SH3RF2: variants seen among roughly 807,000 people sequenced by gnomAD.
SH3RF2 encodes the protein SH3 domain containing ring finger 2.
In SH3RF2, 43 loss-of-function variants were observed where a neutral mutation model predicts 59.0. The observed-to-expected ratio is 0.73, with a 90% CI of 0.57 to 0.94. The LOEUF is 0.94. Among genes scored for constraint, SH3RF2 ranks in the 40% least tolerant of loss-of-function variants. The pLI is 0.00. For synonymous variants in SH3RF2, 391 were observed against 391.5 expected (o/e 1.00, Z 0.01); for missense variants, 930 against 940.1 (o/e 0.99, Z 0.14).
chr5:145,962,801 A>G (rs575378416), intron 2 of SH3RF2, among the ~76,000 whole-genome samples: 1 of 148,226 alleles, frequency 6.7e-6, no homozygotes, highest in South Asian at 2.2e-4. Flanking sequence ...CCATTGTAAC[A>G]CCTATCTCCC....
rs576779922 is a variant in SH3RF2, at chr5:145,952,035, G to T, written c.378+13729G>T. On this transcript the variant is annotated intron_variant, in intron 2 of 9. Coordinates refer to ENST00000359120, the MANE Select transcript of SH3RF2 (RefSeq NM_152550.4). ...AATTTGTAACCTACCACCTACATTG[G>T]TTCTGAGATTAACAAATACACTTGA... Among the ~76,000 whole-genome samples the T allele has an allele frequency of 6.6e-5, 10 of 152,222 alleles. No individual in the cohort carries two copies. The South Asian group carries it at 2.1e-3, about 32-fold the overall frequency.
intron 2 of SH3RF2, chr5:145,997,792 GAA>G: frequency 6.4e-7 from 1 of 1,553,914 alleles, no homozygotes; most frequent in Non-Finnish European, 8.9e-7. Flanking sequence ...TAAACCTAAA[GAA>G]AAAAAATTAA....
At chr5:145,997,818 G>A (rs1366153836) in intron 2 of SH3RF2, 32 of 1,484,086 alleles carry the variant, frequency 2.2e-5, no homozygotes, top group Middle Eastern at 1.8e-4. Context: ...AGGATCCCCC[G>A]CCGAAATAGA....
At chr5:145,981,363 T>G (rs1451952952) in intron 2 of SH3RF2, among the ~76,000 whole-genome samples, 1 of 152,156 alleles carries the variant, frequency 6.6e-6, no homozygotes, top group Non-Finnish European at 1.5e-5. Flanking sequence ...TCTCCCAAAG[T>G]ACTGGAATTG....
intron 2 of SH3RF2, among the ~76,000 whole-genome samples, chr5:145,963,822 CTTTTTTG>C (rs1446932838): frequency 2.0e-5 from 3 of 148,786 alleles, no homozygotes; most frequent in African/African-American, 7.4e-5. Context: ...TTCTTTCTTT[CTTTTTTG>C]TTTTTTTTTT....
downstream of SH3RF2, among the ~76,000 whole-genome samples, chr5:146,064,664 GAGAAAGAAAGAAAGAAAGAAAGAAAGA>G (rs1763014065): frequency 4.7e-4 from 2 of 4,252 alleles, no homozygotes; most frequent in African/African-American, 8.8e-4. Flanking sequence ...GAGAGAGAAA[GAGAAAGAAAGAAAGAAAGAAAGAAAGA>G]AAGAAAGAAA....
At chr5:146,034,393 A>T (rs549477168) in intron 5 of SH3RF2, among the ~76,000 whole-genome samples, 1 of 152,180 alleles carries the variant, frequency 6.6e-6, no homozygotes, top group Admixed American at 6.5e-5. Context: ...GTCTCTGGGG[A>T]CAGCCAATTA....
At chr5:145,965,738 T>C (rs1758833395) in intron 2 of SH3RF2, among the ~76,000 whole-genome samples, 1 of 152,192 alleles carries the variant, frequency 6.6e-6, no homozygotes, top group Admixed American at 6.5e-5. Flanking sequence ...CCATTGGGTA[T>C]ATAGTGCAGA....
chr5:145,988,311 C>T (rs1263582403), intron 2 of SH3RF2, among the ~76,000 whole-genome samples: 1 of 151,486 alleles, frequency 6.6e-6, no homozygotes, highest in Non-Finnish European at 1.5e-5. Flanking sequence ...TTAGCTTAGA[C>T]TATCTCGTGT....
chr5:145,980,713 G>A lies in SH3RF2; in HGVS notation c.379-19345G>A, dbSNP rs541557461. Among the ~76,000 whole-genome samples, 191 of 152,236 alleles carry A rather than the reference G, an allele frequency of 1.3e-3. 3 individuals are homozygous for A. Among genetic ancestry groups the A allele is most frequent in the African/African-American group, 3.8e-3 (159 of 41,522 alleles). On this transcript the variant is annotated intron_variant, in intron 2 of 9. Transcript: ENST00000359120. Reference sequence around the variant, plus strand: ...AAATTTTAAGCTCCCAATATTCAAGGAAGGTGCCTTTTTGCCCATACTCTT... The same window carrying A: ...AAATTTTAAGCTCCCAATATTCAAGAAAGGTGCCTTTTTGCCCATACTCTT...
chr5:146,008,342 G>A (rs1301875574), intron 4 of SH3RF2, among the ~76,000 whole-genome samples: 1 of 152,198 alleles, frequency 6.6e-6, no homozygotes, highest in Non-Finnish European at 1.5e-5. Flanking sequence ...AAAAGCTGAC[G>A]GTGGTACTCA....
intron 8 of SH3RF2, among the ~76,000 whole-genome samples, chr5:146,057,954 C>A (rs1317714557): frequency 1.1e-4 from 14 of 131,468 alleles, no homozygotes; most frequent in African/African-American, 4.0e-4. Flanking sequence ...CTCTCTCTCT[C>A]TCTCTCTCTC....
chr5:146,027,231 T>G (rs938232709), intron 5 of SH3RF2, among the ~76,000 whole-genome samples: 2 of 152,164 alleles, frequency 1.3e-5, no homozygotes, highest in African/African-American at 2.4e-5. Flanking sequence ...TGAACCCATG[T>G]GAGAGAAGCC....
chr5:146,013,430 G>T (rs1760983947), intron 4 of SH3RF2, among the ~76,000 whole-genome samples: 1 of 152,208 alleles, frequency 6.6e-6, no homozygotes, highest in Non-Finnish European at 1.5e-5. Context: ...AGCCAGAAAT[G>T]ACTGGGGAAA....
chr5:146,007,628 T>C (rs1045111275), intron 4 of SH3RF2, among the ~76,000 whole-genome samples: 1 of 152,176 alleles, frequency 6.6e-6, no homozygotes, highest in Non-Finnish European at 1.5e-5. Flanking sequence ...AGTCATCTTA[T>C]TACCCATTTC....
intron 2 of SH3RF2, among the ~76,000 whole-genome samples, chr5:145,968,698 T>A (rs1758956448): frequency 6.6e-6 from 1 of 152,222 alleles, no homozygotes; most frequent in Admixed American, 6.5e-5. Context: ...TTGAGATATT[T>A]TACATTTTTT....
intron 5 of SH3RF2, among the ~76,000 whole-genome samples, chr5:146,019,499 T>C (rs1029124518): frequency 2.0e-5 from 3 of 152,206 alleles, no homozygotes; most frequent in Non-Finnish European, 4.4e-5. Flanking sequence ...ACCATGCTAT[T>C]GTGGTTACTA....
In SH3RF2 at chr5:146,047,305, T is replaced by C. The variant is rs75014622; in HGVS notation, c.1060-467T>C. Among the ~76,000 whole-genome samples, 435 of 152,274 alleles carry C rather than the reference T, an allele frequency of 2.9e-3. 2 individuals are homozygous for C. The highest frequency in any genetic ancestry group is 0.01 in the African/African-American group (423 of 41,550). On this transcript the variant is annotated intron_variant, in intron 5 of 9. Transcript: ENST00000359120. Reference sequence around the variant, plus strand: ...TTTGTCTCAGTTTCTCATCCAAATATGGGGATTATAACAATTCCTTTAATA... The same window carrying C: ...TTTGTCTCAGTTTCTCATCCAAATACGGGGATTATAACAATTCCTTTAATA...
At chr5:146,046,758 T>C (rs563035361) in intron 5 of SH3RF2, among the ~76,000 whole-genome samples, 1 of 152,090 alleles carries the variant, frequency 6.6e-6, no homozygotes, top group African/African-American at 2.4e-5. Context: ...AGTAGGCAGT[T>C]TACAGGAACT....
Sources: allele counts gnomAD v4.1 joint callset (sites outside exome capture counted in the v4.1 genomes callset), GRCh38; gene constraint gnomAD v4.1.1; transcripts MANE v1.5; gene names NCBI Gene and HGNC (gene_info 2026-07-23, HGNC 2026-07-21).